LIMK1: variants seen among roughly 807,000 people sequenced by gnomAD.
LIMK1 encodes LIM domain kinase 1.
LIMK1 carries 21 observed loss-of-function variants against 77.6 expected under a neutral mutation model. The observed-to-expected ratio is 0.27, with a 90% CI of 0.19 to 0.39. The LOEUF is 0.39. Among genes scored for constraint, LIMK1 ranks in the 10% least tolerant of loss-of-function variants. The pLI, the probability that LIMK1 is intolerant of heterozygous loss-of-function variation, is 1.00. For missense variants in LIMK1, 696 were observed against 901.6 expected, an observed-to-expected ratio of 0.77 and a Z score of 2.92; for synonymous variants, 358 against 370.0, an observed-to-expected ratio of 0.97 and a Z score of 0.37.
intron 2 of LIMK1, among the ~76,000 whole-genome samples, chr7:74,086,449 T>G (rs1799139542): frequency 6.6e-6 from 1 of 152,166 alleles, no homozygotes; most frequent in Non-Finnish European, 1.5e-5. Context: ...AACCTCCATC[T>G]CCCGGGCTAA....
Position 74,116,372 on chromosome 7 carries a change from C to T in LIMK1, c.1567+414C>T, listed in dbSNP as rs1799812676. Among the ~76,000 whole-genome samples, 3 of 152,158 alleles carry T rather than the reference C, an allele frequency of 2.0e-5. No individual in the cohort carries two copies. The South Asian group carries it at 6.2e-4, about 31-fold the overall frequency. On this transcript the variant is annotated intron_variant, in intron 13 of 15. Transcript: ENST00000336180. ...GAGGTTGCAGTGAGCCGAGATCGCG[C>T]CATTGCACTCCAGCCTGGGTGACGA...
intron 5 of LIMK1, among the ~76,000 whole-genome samples, chr7:74,103,188 C>T (rs1799502947): frequency 6.6e-6 from 1 of 151,836 alleles, no homozygotes; most frequent in Non-Finnish European, 1.5e-5. Flanking sequence ...CCTTTCATTG[C>T]CCTTCATGAT....
intron 2 of LIMK1, among the ~76,000 whole-genome samples, chr7:74,091,909 C>T (rs1554694831): frequency 6.9e-6 from 1 of 145,450 alleles, no homozygotes; most frequent in East Asian, 2.1e-4. Flanking sequence ...GCCAGGGGTG[C>T]ATAGAGCCTT....
chr7:74,105,602 T>C (rs1020319957), intron 5 of LIMK1, among the ~76,000 whole-genome samples: 5 of 152,014 alleles, frequency 3.3e-5, no homozygotes, highest in Non-Finnish European at 5.9e-5. Flanking sequence ...CAATGGTCCA[T>C]TGAATGGGAA....
At position 74,084,019 on chromosome 7, in the gene LIMK1, G is replaced by A; in HGVS notation, c.29G>A (p.Trp10Ter). 1 of 1,494,196 alleles carries A rather than the reference G, an allele frequency of 6.7e-7. No individual in the cohort carries two copies. The highest frequency in any genetic ancestry group is 9.0e-7 in the Non-Finnish European group (1 of 1,116,438). The allele number at this position is 1,494,196 out of a possible 1,614,324, so 92.6% of individuals were successfully genotyped here. The change falls in exon 1 of 16, where the codon TGG (tryptophan) becomes TAG (stop). Residue 10 changes from tryptophan to a stop codon, truncating the protein, a stop_gained. Coordinates refer to ENST00000336180, the MANE Select transcript of LIMK1 (RefSeq NM_002314.4). LOFTEE classifies it high-confidence loss of function. Reference sequence around the variant, plus strand: ...AGGTTGACGCTACTTTGTTGCACCTGGAGGGAAGAACGTATGGGAGAGGAA... The same window carrying A: ...AGGTTGACGCTACTTTGTTGCACCTAGAGGGAAGAACGTATGGGAGAGGAA... MRLTLLCCT[W>*]REERMGEEGS...
intron 4 of LIMK1, among the ~76,000 whole-genome samples, chr7:74,097,968 C>T (rs527882629): frequency 4.6e-5 from 7 of 152,190 alleles, no homozygotes; most frequent in Admixed American, 6.6e-5. Flanking sequence ...TTATGAAGGA[C>T]ACAGCTCAGG....
rs782645247 is a variant in LIMK1 at position 74,107,844 on chromosome 7, C to T, written c.1066-27C>T. On this transcript the variant is annotated intron_variant, in intron 8 of 15. Transcript: ENST00000336180. ...GGCGGGCTTACAGCAGAGCTTCTGT[C>T]TTCACACCTCTGTGTCCCACACGCA... 6 of 1,544,526 alleles carry T rather than the reference C, an allele frequency of 3.9e-6. No homozygotes were observed. In the Admixed American group the frequency reaches 7.8e-5, roughly 20 times the overall value.
intron 13 of LIMK1, among the ~76,000 whole-genome samples, chr7:74,119,519 A>G (rs1799890003): frequency 6.6e-6 from 1 of 152,030 alleles, no homozygotes; most frequent in Non-Finnish European, 1.5e-5. Context: ...AGCTGGTATC[A>G]TTCCCATTTT....
At chr7:74,110,412 TCTC>T (rs1554698441) in intron 10 of LIMK1, 1 of 152,218 alleles carries the variant, frequency 6.6e-6, no homozygotes, top group African/African-American at 2.4e-5. Context: ...AAAGCCCCGT[TCTC>T]CTGGCATGGC....
At chr7:74,107,317 T>C in intron 8 of LIMK1, 124 bp downstream of exon 8, 1 of 1,055,172 alleles carries the variant, frequency 9.5e-7, no homozygotes, top group Non-Finnish European at 1.3e-6. Context: ...GCCAGTGCCC[T>C]CTCCTCCCTT....
intron 1 of LIMK1, among the ~76,000 whole-genome samples, chr7:74,084,259 G>T (rs1554693761): frequency 6.6e-6 from 1 of 152,002 alleles, no homozygotes; most frequent in African/African-American, 2.4e-5. Context: ...GGGTCTGGGG[G>T]CCCCTGGACC....
At chr7:74,112,637 AACACGGTG>A (rs1799724212) in intron 12 of LIMK1, among the ~76,000 whole-genome samples, 2 of 152,078 alleles carry the variant, frequency 1.3e-5, no homozygotes, top group Admixed American at 1.3e-4. Context: ...CAACATGGCT[AACACGGTG>A]AAACCCCATC....
chr7:74,120,059 G>C (rs1799899565), intron 13 of LIMK1, among the ~76,000 whole-genome samples: 1 of 152,044 alleles, frequency 6.6e-6, no homozygotes, highest in Admixed American at 6.6e-5. Context: ...TCCTGGGCTT[G>C]TGGCCGCATC....
chr7:74,086,109 G>T (rs892328120), intron 2 of LIMK1, among the ~76,000 whole-genome samples: 2 of 151,842 alleles, frequency 1.3e-5, no homozygotes, highest in Non-Finnish European at 2.9e-5. Flanking sequence ...ACAGTGGTGC[G>T]ATCTTGGCTC....
At chr7:74,086,893 G>A (rs1033814381) in intron 2 of LIMK1, among the ~76,000 whole-genome samples, 3 of 152,170 alleles carry the variant, frequency 2.0e-5, no homozygotes, top group Non-Finnish European at 4.4e-5. Flanking sequence ...TTGCGAACAT[G>A]CATAACCCAG....
intron 10 of LIMK1, chr7:74,111,419 CAG>C: frequency 3.7e-6 from 2 of 534,410 alleles, no homozygotes; most frequent in Non-Finnish European, 6.7e-6. Context: ...CCCTGGGTGA[CAG>C]AGTGAGACTC....
chr7:74,093,024 G>A lies in LIMK1; in HGVS notation c.153-3598G>A, dbSNP rs567905605. ...AGCCTAGATCGCTCGCTCCCCACCCGCACCAAAGCCCAGGCAAAGGGTGCT... is the reference window on the plus strand; with the variant it reads ...AGCCTAGATCGCTCGCTCCCCACCCACACCAAAGCCCAGGCAAAGGGTGCT... On this transcript the variant is annotated intron_variant, in intron 2 of 15. Coordinates refer to ENST00000336180, the MANE Select transcript of LIMK1 (RefSeq NM_002314.4). 52 of 972,832 alleles carry A rather than the reference G, an allele frequency of 5.3e-5. No homozygotes were observed. In the East Asian group the frequency reaches 1.0e-3, roughly 19 times the overall value. 60.3% of individuals were successfully genotyped at this position (972,832 alleles called of 1,614,324 possible). A position where few individuals can be genotyped will look rare whatever the true frequency, so the allele number is the denominator to read the frequency against.
intron 2 of LIMK1, among the ~76,000 whole-genome samples, chr7:74,087,214 G>T (rs1465259022): frequency 2.0e-5 from 3 of 152,036 alleles, no homozygotes; most frequent in African/African-American, 7.2e-5. Flanking sequence ...ACAAGCCTGG[G>T]CAATATGGCA....
At position 74,095,258 on chromosome 7, in the gene LIMK1, C is replaced by T. The variant is rs146675770; in HGVS notation, c.153-1364C>T. Among the ~76,000 whole-genome samples, 41 of 152,224 alleles carry T rather than the reference C, an allele frequency of 2.7e-4. 2 individuals are homozygous for T. The highest frequency in any genetic ancestry group is 9.1e-4 in the African/African-American group (38 of 41,534). ...CCTGGTTCTTCTGTCCCTGTGTGAC[C>T]GACACATAGCACCCAAACAGTGGCA... is the stretch of plus-strand genomic sequence containing the variant. On this transcript the variant is annotated intron_variant, in intron 2 of 15. Coordinates refer to ENST00000336180, the MANE Select transcript of LIMK1 (RefSeq NM_002314.4).
Sources: allele counts gnomAD v4.1 joint callset (sites outside exome capture counted in the v4.1 genomes callset), GRCh38; gene constraint gnomAD v4.1.1; transcripts MANE v1.5; gene names NCBI Gene and HGNC (gene_info 2026-07-23, HGNC 2026-07-21).